The following CHST11 variants were observed in gnomAD, a reference collection of about 807,000 sequenced individuals.
CHST11 encodes carbohydrate sulfotransferase 11.
Under a neutral mutation model 30.4 loss-of-function variants are expected in CHST11, and 9 were observed. That is an observed-to-expected ratio of 0.30 (90% confidence interval 0.18 to 0.52). CHST11 has a LOEUF of 0.52. CHST11 is among the 20% of genes least tolerant of loss of function. The pLI is 0.97. For synonymous variants in CHST11, 152 were observed against 187.8 expected, an observed-to-expected ratio of 0.81 and a Z score of 1.56; for missense variants, 348 against 460.6, an observed-to-expected ratio of 0.76 and a Z score of 2.24.
At chr12:104,633,714 G>A (rs981120392) in intron 2 of CHST11, among the ~76,000 whole-genome samples, 1 of 151,778 alleles carries the variant, frequency 6.6e-6, no homozygotes, top group Non-Finnish European at 1.5e-5. Flanking sequence ...ACCGTGCCCA[G>A]CCTCTCCCTC....
At chr12:104,541,971 C>T (rs1037380178) in intron 1 of CHST11, among the ~76,000 whole-genome samples, 1 of 152,238 alleles carries the variant, frequency 6.6e-6, no homozygotes, top group African/African-American at 2.4e-5. Context: ...GAGGTAATAA[C>T]TGAATGATAA....
At chr12:104,611,586 A>T (rs1319679891) in intron 2 of CHST11, among the ~76,000 whole-genome samples, 4 of 152,118 alleles carry the variant, frequency 2.6e-5, no homozygotes, top group Non-Finnish European at 5.9e-5. Context: ...GAATGAAGCC[A>T]TTTGTTCCTG....
At chr12:104,491,250 T>G (rs1226863427) in intron 1 of CHST11, among the ~76,000 whole-genome samples, 1 of 152,176 alleles carries the variant, frequency 6.6e-6, no homozygotes. Flanking sequence ...TTGCCAGCCC[T>G]ATTCACCATA....
At chr12:104,544,138 AAAAGAAAGAAAG>A (rs59116085) in intron 1 of CHST11, among the ~76,000 whole-genome samples, 12 of 71,726 alleles carry the variant, frequency 1.7e-4, no homozygotes, top group African/African-American at 2.0e-4. Context: ...AAAAAAAAAA[AAAAGAAAGAAAG>A]AAAGAAAGAA....
At position 104,757,001 on chromosome 12, in the gene CHST11, C is replaced by T; in HGVS notation, c.257C>T (p.Thr86Ile). ...VLHQMRRDQV[T>I]DTCRANSATS... Reference sequence around the variant, plus strand: ...CACCAGATGCGGCGGGACCAGGTGACAGACACGTGCCGAGCCAACAGCGCC... The same window carrying T: ...CACCAGATGCGGCGGGACCAGGTGATAGACACGTGCCGAGCCAACAGCGCC... Residue 86 changes from threonine to isoleucine, a missense_variant, in exon 3 of 3, where the codon ACA becomes ATA. By Grantham distance (89) the Thr-to-Ile change is moderately conservative. Transcript: ENST00000303694. This position sits in a 1 kb window ranked among gnomAD's most constrained non-coding sequence, Gnocchi z 6.5. 6.2e-7 allele frequency: 1 copy of T among 1,613,164 alleles called. No individual in the cohort carries two copies. The highest frequency in any genetic ancestry group is 1.3e-5 in the African/African-American group (1 of 75,028).
chr12:104,637,335 A>AAAGG (rs1555239335), intron 2 of CHST11, among the ~76,000 whole-genome samples: 1 of 47,574 alleles, frequency 2.1e-5, no homozygotes, highest in Admixed American at 3.0e-4. Flanking sequence ...AAAAAAAAAA[A>AAAGG]GGGGGTTGGG....
intron 2 of CHST11, among the ~76,000 whole-genome samples, chr12:104,725,499 C>T (rs1008830385): frequency 3.6e-4 from 54 of 151,858 alleles, no homozygotes; most frequent in Admixed American, 2.0e-3. Flanking sequence ...TACATGATAC[C>T]TCAATAAAGC....
intron 1 of CHST11, among the ~76,000 whole-genome samples, chr12:104,583,399 A>G (rs999098857): frequency 6.6e-6 from 1 of 152,116 alleles, no homozygotes; most frequent in South Asian, 2.1e-4. Context: ...CAAGAAGGGA[A>G]GCAGGGAGTG....
At position 104,473,470 on chromosome 12, in the gene CHST11, T is replaced by C. The variant is rs1330405346; in HGVS notation, c.118+15941T>C. ...TCTTGCTTCAGTGGGAGCTCATGGG[T>C]GTATCCGGGTCAGGCTGCAGCTGTT... On this transcript the variant is annotated intron_variant, in intron 1 of 2. Transcript: ENST00000303694. Among the ~76,000 whole-genome samples, 3 of 152,014 alleles carry C rather than the reference T, an allele frequency of 2.0e-5. No individual in the cohort carries two copies. In the South Asian group the frequency reaches 6.2e-4, roughly 32 times the overall value.
intron 2 of CHST11, among the ~76,000 whole-genome samples, chr12:104,756,566 GA>G (rs1294710392): frequency 2.3e-5 from 1 of 44,270 alleles, no homozygotes; most frequent in Non-Finnish European, 5.1e-5. Flanking sequence ...TGTGTGTTTA[GA>G]GACAGGGTCT....
rs2037361266 is a variant in CHST11, at chr12:104,457,330, C to G, written c.-82C>G. On this transcript the variant is annotated 5_prime_UTR_variant, in exon 1 of 3. Coordinates refer to ENST00000303694, the MANE Select transcript of CHST11 (RefSeq NM_018413.6). ...AGCTCTGCCCCGCGCCTCCCGGGCT[C>G]CGGTCCGCGCGGCGGGGTCCCTGCT... is the stretch of plus-strand genomic sequence containing the variant. The G allele has an allele frequency of 2.0e-6, 2 of 986,100 alleles. No individual in the cohort carries two copies. The highest frequency in any genetic ancestry group is 2.1e-5 in the Admixed American group (1 of 48,566). 61.1% of individuals were successfully genotyped at this position (986,100 alleles called of 1,614,324 possible).
At chr12:104,720,089 T>C (rs191630579) in intron 2 of CHST11, among the ~76,000 whole-genome samples, 1 of 152,326 alleles carries the variant, frequency 6.6e-6, no homozygotes, top group East Asian at 1.9e-4. Flanking sequence ...ATTGAATAAG[T>C]GGACTTGTCT....
At chr12:104,544,163 A>G (rs1364970457) in intron 1 of CHST11, among the ~76,000 whole-genome samples, 15 of 31,360 alleles carry the variant, frequency 4.8e-4, no homozygotes, top group African/African-American at 1.3e-3. Flanking sequence ...AGAAAGAAAG[A>G]AAGAAAGAAA....
At chr12:104,633,573 C>T (rs2039294032) in intron 2 of CHST11, among the ~76,000 whole-genome samples, 2 of 151,866 alleles carry the variant, frequency 1.3e-5, no homozygotes, top group African/African-American at 4.8e-5. Flanking sequence ...CGCCACCACA[C>T]TCGGCTCATT....
chr12:104,460,106 A>G (rs2037393077), intron 1 of CHST11, among the ~76,000 whole-genome samples: 1 of 152,200 alleles, frequency 6.6e-6, no homozygotes, highest in African/African-American at 2.4e-5. Flanking sequence ...AATTTCTTTA[A>G]AAGTTAAAGA....
chr12:104,592,581 T>C (rs2038870476), intron 1 of CHST11, among the ~76,000 whole-genome samples: 1 of 152,222 alleles, frequency 6.6e-6, no homozygotes, highest in Admixed American at 6.5e-5. Context: ...TATTTTAACA[T>C]GAATTTTAGT....
chr12:104,550,631 A>G (rs966915938), intron 1 of CHST11, among the ~76,000 whole-genome samples: 1 of 152,164 alleles, frequency 6.6e-6, no homozygotes, highest in Non-Finnish European at 1.5e-5. Context: ...CCATGATTCT[A>G]AGGGGTCTTG....
At chr12:104,715,585 G>A (rs1224761797) in intron 2 of CHST11, among the ~76,000 whole-genome samples, 2 of 152,198 alleles carry the variant, frequency 1.3e-5, no homozygotes, top group Non-Finnish European at 1.5e-5. Flanking sequence ...TGGACATCCA[G>A]AGGAGCATGT....
intron 1 of CHST11, among the ~76,000 whole-genome samples, chr12:104,468,024 G>A (rs540924154): frequency 6.6e-6 from 1 of 152,254 alleles, no homozygotes; most frequent in East Asian, 1.9e-4. Context: ...TCAAACAGGT[G>A]AAAATCCATG....
Sources: allele counts gnomAD v4.1 joint callset (sites outside exome capture counted in the v4.1 genomes callset), GRCh38; gene constraint gnomAD v4.1.1; non-coding constraint Gnocchi (gnomAD v3.1); transcripts MANE v1.5; gene names NCBI Gene and HGNC (gene_info 2026-07-23, HGNC 2026-07-21).